The following LRCH3 variants were observed in gnomAD, a reference collection of about 807,000 sequenced individuals.
LRCH3 encodes DISP complex protein LRCH3.
In LRCH3, 68 loss-of-function variants were observed where a neutral mutation model predicts 104.5. The ratio of observed to expected loss-of-function variants is 0.65; its 90% CI spans 0.54 to 0.80. LRCH3 has a LOEUF of 0.80. LRCH3 is among the 30% of genes least tolerant of loss of function. The probability of loss-of-function intolerance (pLI) is 0.00; values close to 1 mark genes in which losing one functional copy is unlikely to be tolerated. For synonymous variants in LRCH3, 344 were observed against 361.3 expected, an observed-to-expected ratio of 0.95 and a Z score of 0.54; for missense variants, 951 against 953.9, an observed-to-expected ratio of 1.00 and a Z score of 0.04.
intron 17 of LRCH3, among the ~76,000 whole-genome samples, chr3:197,868,010 T>G (rs1047639386): frequency 3.3e-5 from 5 of 152,038 alleles, no homozygotes; most frequent in African/African-American, 1.2e-4. Flanking sequence ...GGTAACAAAG[T>G]GAAACCCTGT....
In LRCH3 at chr3:197,847,998, G is replaced by T; in HGVS notation, c.1507G>T (p.Asp503Tyr). Residue 503 changes from aspartate to tyrosine, a missense_variant, in exon 12 of 21, where the codon GAT (aspartate) becomes TAT (tyrosine). Coordinates refer to ENST00000425562, the MANE Select transcript of LRCH3 (RefSeq NM_001365715.1). ...AATAAGGACCAAGCAGATCCAGAGA[G>T]ATGCTGTCCTGGACTTTGTCAAAGT... Reference protein sequence around the residue: ...EKIRTKQIQRDAVLDFVKQKA... With the variant: ...EKIRTKQIQRYAVLDFVKQKA... 1 of 1,614,160 alleles carries T rather than the reference G, an allele frequency of 6.2e-7. No individual in the cohort carries two copies. The highest frequency in any genetic ancestry group is 8.5e-7 in the Non-Finnish European group (1 of 1,180,016).
chr3:197,824,033 T>C (rs1734803967), intron 4 of LRCH3, among the ~76,000 whole-genome samples: 1 of 152,164 alleles, frequency 6.6e-6, no homozygotes, highest in African/African-American at 2.4e-5. Context: ...TCAAGTGATG[T>C]ACTCTGATTT....
At position 197,813,510 on chromosome 3, in the gene LRCH3, ATTTTTTTTTTTTTTTT is replaced by A. The variant is rs57062885; in HGVS notation, c.263-1375_263-1360del. On this transcript the variant is annotated intron_variant, in intron 1 of 20. Coordinates refer to ENST00000425562, the MANE Select transcript of LRCH3 (RefSeq NM_001365715.1). ...CCGTTCTTCTAATGGGAGGCATATAATTTTTTTTTTTTTTTTTTTTTTTTTTTTTTTTTTTTTTGAG... is the reference window on the plus strand; with the variant it reads ...CCGTTCTTCTAATGGGAGGCATATAATTTTTTTTTTTTTTTTTTTTTTGAG... 4.5e-4 allele frequency among the ~76,000 whole-genome samples: 30 copies of A among 66,056 alleles called. 1 individual carries two copies. The highest frequency in any genetic ancestry group is 1.8e-3 in the East Asian group (3 of 1,692). 43.3% of individuals were successfully genotyped at this position (66,056 alleles called of 152,430 possible). A position where few individuals can be genotyped will look rare whatever the true frequency, so the allele number is the denominator to read the frequency against.
In LRCH3 at chr3:197,791,393, G is replaced by A. The variant is rs761144256; in HGVS notation, c.115G>A (p.Gly39Ser). 7 of 1,595,624 alleles carry A rather than the reference G, an allele frequency of 4.4e-6. No individual in the cohort carries two copies. In the African/African-American group the frequency reaches 6.7e-5, roughly 15 times the overall value. Reference protein sequence around the residue: ...HCGPSSGAGPGFGPGSWSRSL... With the variant: ...HCGPSSGAGPSFGPGSWSRSL... ...CGGCCCAAGCTCCGGGGCAGGCCCT[G>A]GTTTTGGCCCGGGCTCGTGGAGCCG... The change falls in exon 1 of 21, where the codon GGT (glycine) becomes AGT (serine). Residue 39 changes from glycine (G) to serine (S), a missense_variant. Transcript: ENST00000425562.
intron 1 of LRCH3, among the ~76,000 whole-genome samples, chr3:197,812,503 A>AATTTTTTTTTTT (rs1439272123): frequency 2.3e-4 from 2 of 8,584 alleles, no homozygotes; most frequent in Admixed American, 2.8e-3. Flanking sequence ...CTCTGCTTTC[A>AATTTTTTTTTTT]GTTTTTTTTT....
intron 19 of LRCH3, among the ~76,000 whole-genome samples, chr3:197,873,611 G>A (rs9854444): frequency 0.18 from 27,980 of 152,092 alleles, 4,189 homozygotes; most frequent in African/African-American, 0.42. Flanking sequence ...GCGTGCACCT[G>A]CTACTCAGGA....
chr3:197,864,910 A>C (rs1429276144), intron 15 of LRCH3, among the ~76,000 whole-genome samples: 3 of 151,920 alleles, frequency 2.0e-5, no homozygotes, highest in East Asian at 3.9e-4. Context: ...AGTCTCAACT[A>C]CTTGGGAGGC....
chr3:197,828,825 A>G (rs1381552012), intron 5 of LRCH3, among the ~76,000 whole-genome samples: 4 of 145,972 alleles, frequency 2.7e-5, no homozygotes, highest in Non-Finnish European at 4.5e-5. Flanking sequence ...CTCCTGCCTC[A>G]GCCTCCCGAG....
intron 15 of LRCH3, among the ~76,000 whole-genome samples, chr3:197,859,930 C>T (rs115733621): frequency 3.3e-5 from 5 of 152,290 alleles, no homozygotes; most frequent in African/African-American, 1.2e-4. Flanking sequence ...TCTGTGCCCT[C>T]CATTCTGGCT....
chr3:197,858,404 G>A (rs1428057384), intron 14 of LRCH3, among the ~76,000 whole-genome samples: 1 of 152,000 alleles, frequency 6.6e-6, no homozygotes, highest in Admixed American at 6.6e-5. Context: ...GAATCCTCAT[G>A]TCCTAATTAT....
At chr3:197,841,171 C>T (rs1310450492) in intron 10 of LRCH3, among the ~76,000 whole-genome samples, 2 of 152,190 alleles carry the variant, frequency 1.3e-5, no homozygotes, top group African/African-American at 4.8e-5. Context: ...GTCAGGGTAT[C>T]GGCTGGCCTG....
intron 1 of LRCH3, among the ~76,000 whole-genome samples, chr3:197,795,078 G>A (rs1490659428): frequency 6.6e-6 from 1 of 152,088 alleles, no homozygotes; most frequent in East Asian, 1.9e-4. Context: ...ACTTGATCCA[G>A]TGGACAAGGA....
intron 20 of LRCH3, chr3:197,880,828 G>C: frequency 6.7e-7 from 1 of 1,501,548 alleles, no homozygotes; most frequent in South Asian, 1.3e-5. Flanking sequence ...CCCTCAAAGA[G>C]CTAACCCATA....
intron 20 of LRCH3, chr3:197,881,074 C>T: frequency 9.2e-7 from 1 of 1,089,026 alleles, no homozygotes; most frequent in Non-Finnish European, 1.1e-6. Context: ...TCACACAATA[C>T]AACTCCCATC....
At chr3:197,848,289 T>TC (rs1221412627) in intron 12 of LRCH3, 2 of 337,370 alleles carry the variant, frequency 5.9e-6, no homozygotes, top group African/African-American at 4.3e-5. Flanking sequence ...ATAGTAAAGA[T>TC]CAGTAAGATG....
At chr3:197,797,895 C>A (rs113026259) in intron 1 of LRCH3, among the ~76,000 whole-genome samples, 199 of 139,744 alleles carry the variant, frequency 1.4e-3, no homozygotes, top group African/African-American at 4.7e-3. Flanking sequence ...AAAAAAAAAA[C>A]AAAACCAGAA....
At chr3:197,878,961 TAAAGAC>T (rs1254875125) in intron 20 of LRCH3, among the ~76,000 whole-genome samples, 2 of 152,242 alleles carry the variant, frequency 1.3e-5, no homozygotes, top group Non-Finnish European at 2.9e-5. Context: ...GTAAGATAGA[TAAAGAC>T]AAATAATTTC....
chr3:197,879,277 G>T (rs565036570), intron 20 of LRCH3, among the ~76,000 whole-genome samples: 1 of 152,250 alleles, frequency 6.6e-6, no homozygotes, highest in African/African-American at 2.4e-5. Flanking sequence ...TAAAATGGAG[G>T]GTTTGGATGA....
chr3:197,865,005 AAG>A (rs954675181), intron 15 of LRCH3, among the ~76,000 whole-genome samples: 1 of 151,964 alleles, frequency 6.6e-6, no homozygotes, highest in South Asian at 2.1e-4. Context: ...GTCTCAAAAA[AAG>A]AGAGAGAGAG....
Sources: gnomAD v4.1 joint callset for allele counts (sites outside exome capture counted in the v4.1 genomes callset) on GRCh38, gnomAD v4.1.1 for gene constraint, MANE v1.5 for transcripts, NCBI Gene and HGNC (gene_info 2026-07-23, HGNC 2026-07-21) for gene names.